Variants in RABGAP1L observed in about 807,000 individuals in gnomAD.
RABGAP1L encodes the protein RAB GTPase activating protein 1 like, also known as rab GTPase-activating protein 1-like.
A neutral mutation model predicts 137.7 loss-of-function variants in RABGAP1L; 63 were observed. The ratio of observed to expected loss-of-function variants is 0.46; its 90% CI spans 0.37 to 0.56. RABGAP1L has a LOEUF of 0.56. RABGAP1L is among the 20% of genes least tolerant of loss of function. The pLI is 0.00. For synonymous variants in RABGAP1L, 431 were observed against 433.7 expected, an observed-to-expected ratio of 0.99 and a Z score of 0.08; for missense variants, 1,095 against 1,244.0, an observed-to-expected ratio of 0.88 and a Z score of 1.80.
intron 1 of RABGAP1L, among the ~76,000 whole-genome samples, chr1:174,163,611 TA>T (rs36027110): frequency 0.29 from 41,056 of 142,476 alleles, 7,172 homozygotes; most frequent in East Asian, 0.53. Context: ...CTGTTGGGCT[TA>T]AAAAAAAAAA....
chr1:174,521,572 TTAAA>T (rs779059966), intron 13 of RABGAP1L, among the ~76,000 whole-genome samples: 13 of 152,136 alleles, frequency 8.5e-5, no homozygotes, highest in Non-Finnish European at 1.9e-4. Context: ...AAAGAAGTTT[TTAAA>T]TAAATAAAAT....
Position 174,740,994 on chromosome 1 carries a change from T to C in RABGAP1L, c.2170-11319T>C, listed in dbSNP as rs540959121. Among the ~76,000 whole-genome samples the C allele has an allele frequency of 3.9e-5, 6 of 152,196 alleles. No individual in the cohort carries two copies. The South Asian group carries it at 6.2e-4, about 16-fold the overall frequency. ...CTGTTGGATAAATAATTTGCAAATA[T>C]TTTATCCCATTCTGCAGGTTGTCTC... is the stretch of plus-strand genomic sequence containing the variant. On this transcript the variant is annotated intron_variant, in intron 17 of 25. Transcript: ENST00000681986.
At chr1:174,288,109 TCCC>T (rs575439903) in intron 10 of RABGAP1L, among the ~76,000 whole-genome samples, 122 of 152,294 alleles carry the variant, frequency 8.0e-4, no homozygotes, top group African/African-American at 2.6e-3. Context: ...ACACTTTTAC[TCCC>T]CCATCTCTCA....
intron 13 of RABGAP1L, among the ~76,000 whole-genome samples, chr1:174,496,879 A>G (rs1660781367): frequency 6.6e-6 from 1 of 152,154 alleles, no homozygotes; most frequent in Non-Finnish European, 1.5e-5. Context: ...AATTTGTGAC[A>G]ACTGCCCATC....
chr1:174,498,992 G>C (rs1428077379), intron 13 of RABGAP1L, among the ~76,000 whole-genome samples: 1 of 151,854 alleles, frequency 6.6e-6, no homozygotes, highest in African/African-American at 2.4e-5. Context: ...TTAATAAGTA[G>C]AGTAGGTTTT....
rs368590454 is a variant in RABGAP1L, at chr1:174,231,346, G to A, written c.533G>A (p.Gly178Asp). The change falls in exon 4 of 26, where the codon GGT becomes GAT. Residue 178 changes from glycine to aspartate, a missense_variant. By Grantham distance (94) the Gly-to-Asp change is moderately conservative (BLOSUM62 -1). This residue lies in a region of RABGAP1L where 356 missense variants were observed against 326.3 expected (regional missense o/e 1.09). Coordinates refer to ENST00000681986, the MANE Select transcript of RABGAP1L (RefSeq NM_001366446.1). ...VTLYVPNVPEGSVRIIDQSSN... is the reference protein window; with the variant it reads ...VTLYVPNVPEDSVRIIDQSSN... ...CTGTATGTACCAAATGTTCCAGAAG[G>A]TTCTGTGAGGTAAGCTCTAATTTGT... 2 of 1,613,390 alleles carry A rather than the reference G, an allele frequency of 1.2e-6. No individual in the cohort carries two copies. Among genetic ancestry groups the A allele is most frequent in the Admixed American group, 1.7e-5 (1 of 60,008 alleles).
intron 19 of RABGAP1L, among the ~76,000 whole-genome samples, chr1:174,907,842 G>A (rs1659368802): frequency 6.6e-6 from 1 of 152,042 alleles, no homozygotes; most frequent in South Asian, 2.1e-4. Flanking sequence ...AGTATAAATG[G>A]TCTCAGTTCT....
chr1:174,709,746 T>G (rs1036047099), intron 17 of RABGAP1L, among the ~76,000 whole-genome samples: 15 of 152,016 alleles, frequency 9.9e-5, no homozygotes, highest in Admixed American at 9.8e-4. Flanking sequence ...AGGCTGAAAA[T>G]TCCAAAAACC....
intron 13 of RABGAP1L, among the ~76,000 whole-genome samples, chr1:174,526,292 TTTGTTG>T (rs536806087): frequency 6.6e-6 from 1 of 152,088 alleles, no homozygotes; most frequent in East Asian, 1.9e-4. Flanking sequence ...CCTATAGTTT[TTTGTTG>T]TTGTTGTTGT....
chr1:174,237,784 G>A (rs1395854483), intron 4 of RABGAP1L, among the ~76,000 whole-genome samples: 137 of 144,072 alleles, frequency 9.5e-4, no homozygotes, highest in African/African-American at 3.3e-3. Context: ...TCTTTGTGGC[G>A]TTCTCTGTAT....
intron 13 of RABGAP1L, among the ~76,000 whole-genome samples, chr1:174,625,406 A>G (rs951402927): frequency 1.3e-5 from 2 of 152,064 alleles, no homozygotes; most frequent in African/African-American, 2.4e-5. Context: ...TAATTTTTAT[A>G]TACGTTCACT....
At chr1:174,739,457 A>G (rs1216190090) in intron 17 of RABGAP1L, among the ~76,000 whole-genome samples, 1 of 152,226 alleles carries the variant, frequency 6.6e-6, no homozygotes, top group Non-Finnish European at 1.5e-5. Flanking sequence ...ATGCTCTTAA[A>G]TTATCATGAT....
chr1:174,336,333 C>G (rs1206425642), intron 11 of RABGAP1L, among the ~76,000 whole-genome samples: 1 of 152,112 alleles, frequency 6.6e-6, no homozygotes, highest in Non-Finnish European at 1.5e-5. Context: ...TTGTGTTGCC[C>G]AAGCTGGTCT....
intron 11 of RABGAP1L, among the ~76,000 whole-genome samples, chr1:174,337,454 G>A (rs1036325696): frequency 2.0e-5 from 3 of 152,106 alleles, no homozygotes; most frequent in African/African-American, 7.2e-5. Flanking sequence ...CAGACTGAAA[G>A]CAGGCCATGA....
At chr1:174,886,579 A>T (rs1344592740) in intron 19 of RABGAP1L, among the ~76,000 whole-genome samples, 1 of 152,200 alleles carries the variant, frequency 6.6e-6, no homozygotes, top group African/African-American at 2.4e-5. Flanking sequence ...ATTGCTACAT[A>T]CTAACTTAAA....
intron 13 of RABGAP1L, among the ~76,000 whole-genome samples, chr1:174,534,578 A>T (rs939166459): frequency 1.4e-4 from 22 of 151,838 alleles, no homozygotes; most frequent in Non-Finnish European, 3.2e-4. Flanking sequence ...GGAGTTCGAG[A>T]CTGGCCTGGC....
At chr1:174,792,962 G>A (rs1037205895) in intron 18 of RABGAP1L, among the ~76,000 whole-genome samples, 8 of 152,076 alleles carry the variant, frequency 5.3e-5, no homozygotes, top group East Asian at 3.9e-4. Context: ...GTGAAACCCC[G>A]TCTCTACTGA....
intron 13 of RABGAP1L, among the ~76,000 whole-genome samples, chr1:174,586,900 G>C (rs768937343): frequency 6.6e-6 from 1 of 152,086 alleles, no homozygotes; most frequent in South Asian, 2.1e-4. Context: ...CTGGCCAAAT[G>C]ATCTGTTTTA....
intron 15 of RABGAP1L, among the ~76,000 whole-genome samples, chr1:174,685,866 T>C (rs1349664696): frequency 1.3e-5 from 2 of 152,156 alleles, no homozygotes; most frequent in Non-Finnish European, 2.9e-5. Flanking sequence ...CGTCTGATGA[T>C]AAGTTTTGTT....
Sources: allele counts gnomAD v4.1 joint callset (sites outside exome capture counted in the v4.1 genomes callset), GRCh38; gene constraint gnomAD v4.1.1; regional missense constraint gnomAD v4.1.1; transcripts MANE v1.5; gene names NCBI Gene and HGNC (gene_info 2026-07-23, HGNC 2026-07-21).